Variants in USP7 observed in about 807,000 individuals in gnomAD.
USP7 encodes ubiquitin C-terminal hydrolase 7.
USP7 carries 9 observed loss-of-function variants against 162.9 expected under a neutral mutation model. The observed-to-expected ratio is 0.06, with a 90% CI of 0.03 to 0.10. The LOEUF is 0.10. Ranked by LOEUF, USP7 falls within the 10% of genes least tolerant of loss-of-function variation. The probability of loss-of-function intolerance (pLI) is 1.00; values close to 1 mark genes in which losing one functional copy is unlikely to be tolerated. For missense variants in USP7, 715 were observed against 1,373.7 expected (o/e 0.52, Z 7.58); for synonymous variants, 562 against 475.9 (o/e 1.18, Z -2.35).
At chr16:8,901,412 G>A (rs943610748) in intron 18 of USP7, among the ~76,000 whole-genome samples, 178 bp from the exon 19 acceptor site, 1 of 151,908 alleles carries the variant, frequency 6.6e-6, no homozygotes, top group African/African-American at 2.4e-5. Context: ...GCTTATTCAC[G>A]AAGCTGAGGC....
chr16:8,909,791 T>C (rs545576773), intron 11 of USP7, among the ~76,000 whole-genome samples: 1 of 152,236 alleles, frequency 6.6e-6, no homozygotes, highest in Admixed American at 6.5e-5. Flanking sequence ...TTGGGCATAG[T>C]GGCGGGCGCC....
chr16:8,902,708 T>G (rs2061795023), intron 16 of USP7, among the ~76,000 whole-genome samples: 1 of 152,014 alleles, frequency 6.6e-6, no homozygotes, highest in Non-Finnish European at 1.5e-5. Flanking sequence ...GCCAACATGG[T>G]GAACTCTCGT....
intron 1 of USP7, among the ~76,000 whole-genome samples, chr16:8,953,245 C>T (rs1405849658): frequency 1.3e-5 from 2 of 152,130 alleles, no homozygotes; most frequent in Non-Finnish European, 2.9e-5. Flanking sequence ...AGCTGCTTTG[C>T]CGAAGCCCTC....
rs770076868 is a variant in USP7, at chr16:8,901,120, G to A, written c.2140+22C>T. 6 of 1,611,830 alleles carry A rather than the reference G, an allele frequency of 3.7e-6. No homozygotes were observed. In the African/African-American group the frequency reaches 4.0e-5, roughly 11 times the overall value. ...TGTACTGAGCAAAATCTACTCAGAA[G>A]GTAAGTGCACGAAGGACTTACGTAT... On this transcript the variant is annotated intron_variant, in intron 19 of 30. Coordinates refer to ENST00000344836, the MANE Select transcript of USP7 (RefSeq NM_003470.3).
chr16:8,901,413 A>T (rs976210066), intron 18 of USP7, among the ~76,000 whole-genome samples, 179 bp from the exon 19 acceptor site: 1 of 152,214 alleles, frequency 6.6e-6, no homozygotes, highest in Non-Finnish European at 1.5e-5. Flanking sequence ...CTTATTCACG[A>T]AGCTGAGGCT....
At chr16:8,929,865 G>A (rs938405849) in intron 2 of USP7, among the ~76,000 whole-genome samples, 20 of 152,180 alleles carry the variant, frequency 1.3e-4, no homozygotes, top group African/African-American at 4.3e-4. Flanking sequence ...TCCCTAACAG[G>A]AGCGGGGAGG....
chr16:8,957,976 T>C (rs1163688203), intron 1 of USP7, among the ~76,000 whole-genome samples: 1 of 152,196 alleles, frequency 6.6e-6, no homozygotes, highest in African/African-American at 2.4e-5. Context: ...CAATACCGTT[T>C]TATGGCTTCA....
At chr16:8,928,712 A>G (rs1202403323) in intron 2 of USP7, among the ~76,000 whole-genome samples, 3 of 152,090 alleles carry the variant, frequency 2.0e-5, no homozygotes, top group East Asian at 1.9e-4. Flanking sequence ...AGATTACTCA[A>G]CCTTCTCGGA....
In USP7 at chr16:8,906,530, G is replaced by A. The variant is rs770435953; in HGVS notation, c.1324C>T (p.Pro442Ser). The change falls in exon 13 of 31, where the codon CCT (proline) becomes TCT (serine). Residue 442 changes from proline (P) to serine (S), a missense_variant. Coordinates refer to ENST00000344836, the MANE Select transcript of USP7 (RefSeq NM_003470.3). The stretch of plus-strand genomic sequence containing the variant: ...AGAATATAATTTGCAGGGTCCTTAG[G>A]ATCTGTTTTTTGCAAAAATTCATCA... ...PLDEFLQKTD[P>S]KDPANYILHA... The A allele has an allele frequency of 2.5e-6, 4 of 1,613,690 alleles. No homozygotes were observed. The Middle Eastern group carries it at 7.0e-4, about 283-fold the overall frequency.
At chr16:8,905,120 G>T in intron 14 of USP7, 67 bp downstream of exon 14, 2 of 1,553,604 alleles carry the variant, frequency 1.3e-6, no homozygotes, top group Non-Finnish European at 8.9e-7. Flanking sequence ...AAGGATATTG[G>T]AGATTCATGG....
At chr16:8,939,771 A>C (rs1898947251) in intron 1 of USP7, among the ~76,000 whole-genome samples, 1 of 152,212 alleles carries the variant, frequency 6.6e-6, no homozygotes, top group African/African-American at 2.4e-5. Flanking sequence ...ATAACTCCAA[A>C]ACATTGTCAT....
intron 11 of USP7, among the ~76,000 whole-genome samples, chr16:8,909,274 C>T (rs1291044370): frequency 6.6e-6 from 1 of 152,232 alleles, no homozygotes; most frequent in Non-Finnish European, 1.5e-5. Flanking sequence ...ATTTCCAATG[C>T]AGACCTTCCT....
chr16:8,905,229 T>C lies in USP7; in HGVS notation c.1531A>G (p.Thr511Ala), dbSNP rs775465927. 1 of 1,614,220 alleles carries C rather than the reference T, an allele frequency of 6.2e-7. No homozygotes were observed. Among genetic ancestry groups the C allele is most frequent in the South Asian group, 1.1e-5 (1 of 91,088 alleles). The change falls in exon 14 of 31, where the codon ACT becomes GCT. Residue 511 changes from threonine to alanine, a missense_variant. This residue lies in a region of USP7 where 197 missense variants were observed against 306.5 expected (regional missense o/e 0.64). Transcript: ENST00000344836. ...ATGTAGACTAACATGTAAGCATTAG[T>C]GCAGTGTCGAACAGACAGGTCGTCA... ...HDDDLSVRHC[T>A]NAYMLVYIRE...
chr16:8,898,590 A>C lies in USP7; in HGVS notation c.2581T>G (p.Leu861Val). 6.2e-7 allele frequency: 1 copy of C among 1,611,484 alleles called. No individual in the cohort carries two copies. Among genetic ancestry groups the C allele is most frequent in the Non-Finnish European group, 8.5e-7 (1 of 1,179,400 alleles). The change falls in exon 24 of 31, where the codon TTA (leucine) becomes GTA (valine). Residue 861 changes from leucine (L) to valine (V), a missense_variant. Around this residue, in one of 11 missense-constraint regions of USP7, gnomAD observed 222 missense variants for 441.7 expected, o/e 0.50. Transcript: ENST00000344836. ...TTGAAGAACTGTAGAAGATCTCTTAAAGTACCTTCATAATTATGTCTAAGA... is the reference window on the plus strand; with the variant it reads ...TTGAAGAACTGTAGAAGATCTCTTACAGTACCTTCATAATTATGTCTAAGA... The part of the protein sequence containing the change: ...NPLRHNYEGT[L>V]RDLLQFFKPR...
At position 8,962,757 on chromosome 16, in the gene USP7, C is replaced by T. The variant is rs898581116; in HGVS notation, c.79+450G>A. 3.7e-5 allele frequency: 6 copies of T among 163,572 alleles called. No individual in the cohort carries two copies. In the South Asian group the frequency reaches 8.3e-4, roughly 23 times the overall value. 10.1% of individuals were successfully genotyped at this position (163,572 alleles called of 1,614,324 possible). ...TTGGAAGAGCGCTTCCGAGCCACGG[C>T]GCGCCCTCCGGGGGAGCGCACCGGA... On this transcript the variant is annotated intron_variant, in intron 1 of 30. Transcript: ENST00000344836.
intron 11 of USP7, 31 bp downstream of exon 11, chr16:8,910,714 A>C: frequency 6.3e-7 from 1 of 1,590,990 alleles, no homozygotes; most frequent in Non-Finnish European, 8.6e-7. Flanking sequence ...GAACGCTACA[A>C]CAGGACACTA....
intron 1 of USP7, among the ~76,000 whole-genome samples, chr16:8,960,255 G>A (rs186396008): frequency 1.3e-5 from 2 of 152,304 alleles, no homozygotes; most frequent in East Asian, 3.9e-4. Flanking sequence ...AGGCCTTACA[G>A]GGAGTGTGTG....
At chr16:8,955,298 GC>G (rs1268530952) in intron 1 of USP7, among the ~76,000 whole-genome samples, 1 of 152,194 alleles carries the variant, frequency 6.6e-6, no homozygotes, top group Non-Finnish European at 1.5e-5. Flanking sequence ...AGGCTAGAGT[GC>G]AGTGATGCAA....
At chr16:8,895,332 A>C (rs187702601) in intron 27 of USP7, among the ~76,000 whole-genome samples, 182 bp from the exon 28 acceptor site, 1 of 152,336 alleles carries the variant, frequency 6.6e-6, no homozygotes, top group East Asian at 1.9e-4. Flanking sequence ...AAGATATCCA[A>C]GTTTCTTCCC....
Sources: gnomAD v4.1 joint callset for allele counts (sites outside exome capture counted in the v4.1 genomes callset) on GRCh38, gnomAD v4.1.1 for gene constraint, gnomAD v4.1.1 regional missense constraint, MANE v1.5 for transcripts, NCBI Gene and HGNC (gene_info 2026-07-23, HGNC 2026-07-21) for gene names.